CADM2: variants seen among roughly 807,000 people sequenced by gnomAD.
CADM2 encodes cell adhesion molecule 2.
Under a neutral mutation model 49.8 loss-of-function variants are expected in CADM2, and 12 were observed. The ratio of observed to expected loss-of-function variants is 0.24; its 90% CI spans 0.15 to 0.39. The LOEUF (loss-of-function observed/expected upper bound fraction) is 0.39. Among genes scored for constraint, CADM2 ranks in the 10% least tolerant of loss-of-function variants. The pLI, the probability that CADM2 is intolerant of heterozygous loss-of-function variation, is 1.00. For synonymous variants in CADM2, 214 were observed against 175.4 expected (o/e 1.22, Z -1.74); for missense variants, 378 against 492.3 (o/e 0.77, Z 2.20).
At chr3:86,063,370 T>A (rs1040057306) in intron 8 of CADM2, among the ~76,000 whole-genome samples, 1 of 152,198 alleles carries the variant, frequency 6.6e-6, no homozygotes, top group Non-Finnish European at 1.5e-5. Flanking sequence ...TAATCAGGGA[T>A]CTGTAGCAAT....
At chr3:85,227,911 A>T (rs1281476098) in intron 1 of CADM2, among the ~76,000 whole-genome samples, 1 of 152,302 alleles carries the variant, frequency 6.6e-6, no homozygotes, top group South Asian at 2.1e-4. Flanking sequence ...GTTTGGCTGG[A>T]TATGAAATTC....
intron 1 of CADM2, among the ~76,000 whole-genome samples, chr3:85,725,520 A>T (rs936092425): frequency 2.6e-5 from 4 of 151,906 alleles, no homozygotes; most frequent in African/African-American, 9.7e-5. Context: ...GCTTTTGTCT[A>T]TCTTCATTTT....
intron 1 of CADM2, among the ~76,000 whole-genome samples, chr3:85,680,833 T>C (rs924961119): frequency 3.9e-5 from 6 of 152,156 alleles, no homozygotes; most frequent in African/African-American, 7.2e-5. Context: ...ATCAAACTTA[T>C]CAAAAGGTCA....
intron 1 of CADM2, among the ~76,000 whole-genome samples, chr3:85,634,879 A>C (rs2064414396): frequency 7.7e-6 from 1 of 129,732 alleles, no homozygotes; most frequent in Admixed American, 8.0e-5. Flanking sequence ...ATTTTCAAAC[A>C]GAAAATTAAT....
chr3:85,882,921 C>A (rs572054696), intron 3 of CADM2, among the ~76,000 whole-genome samples: 2 of 151,256 alleles, frequency 1.3e-5, no homozygotes, highest in Non-Finnish European at 2.9e-5. Context: ...CCAAATTTAT[C>A]TGTCCATAGA....
intron 3 of CADM2, among the ~76,000 whole-genome samples, chr3:85,852,861 A>C (rs917572254): frequency 6.6e-6 from 1 of 152,036 alleles, no homozygotes; most frequent in African/African-American, 2.4e-5. Context: ...CCATCATCTA[A>C]CTCAGCACCT....
At chr3:85,021,329 C>G (rs1393378113) in intron 1 of CADM2, among the ~76,000 whole-genome samples, 1 of 151,908 alleles carries the variant, frequency 6.6e-6, no homozygotes, top group East Asian at 1.9e-4. Flanking sequence ...ACGAACAAAA[C>G]GAAAAAGTTA....
chr3:85,155,993 G>T (rs1251796113), intron 1 of CADM2, among the ~76,000 whole-genome samples: 2 of 152,156 alleles, frequency 1.3e-5, no homozygotes, highest in African/African-American at 4.8e-5. Flanking sequence ...AAGCAGGAAA[G>T]ATCCAAAATT....
At chr3:85,636,340 A>G (rs2064481411) in intron 1 of CADM2, among the ~76,000 whole-genome samples, 1 of 152,218 alleles carries the variant, frequency 6.6e-6, no homozygotes, top group Non-Finnish European at 1.5e-5. Context: ...TTAAAAAATA[A>G]AAAGGTTACT....
intron 1 of CADM2, among the ~76,000 whole-genome samples, chr3:85,138,350 A>G (rs1243773918): frequency 6.6e-6 from 1 of 152,152 alleles, no homozygotes; most frequent in Non-Finnish European, 1.5e-5. Context: ...GTGAGAAAAT[A>G]CAAGAGACTC....
chr3:85,870,863 C>T (rs1439618085), intron 3 of CADM2, among the ~76,000 whole-genome samples: 1 of 152,032 alleles, frequency 6.6e-6, no homozygotes, highest in Non-Finnish European at 1.5e-5. Flanking sequence ...TCACACTCTC[C>T]TTCTTATACC....
At chr3:85,707,607 T>C (rs952102367) in intron 1 of CADM2, among the ~76,000 whole-genome samples, 1 of 152,142 alleles carries the variant, frequency 6.6e-6, no homozygotes, top group African/African-American at 2.4e-5. Flanking sequence ...TTTGAGATTA[T>C]ATGGATGAAT....
At chr3:85,189,598 A>C (rs2041155555) in intron 1 of CADM2, among the ~76,000 whole-genome samples, 1 of 152,236 alleles carries the variant, frequency 6.6e-6, no homozygotes, top group South Asian at 2.1e-4. Flanking sequence ...GTATTTTAAC[A>C]GAAAATGTAC....
chr3:85,857,558 TC>T (rs1373977485), intron 3 of CADM2, among the ~76,000 whole-genome samples: 1 of 152,074 alleles, frequency 6.6e-6, no homozygotes, highest in African/African-American at 2.4e-5. Context: ...GCTCACTGTA[TC>T]CTGGAACACC....
At chr3:85,953,874 T>C (rs752582410) in intron 7 of CADM2, among the ~76,000 whole-genome samples, 4 of 150,946 alleles carry the variant, frequency 2.6e-5, no homozygotes, top group African/African-American at 4.8e-5. Flanking sequence ...TCTTAAGATA[T>C]AAGTGTAGAA....
intron 5 of CADM2, among the ~76,000 whole-genome samples, chr3:85,895,778 C>G (rs1305296243): frequency 6.6e-6 from 1 of 152,182 alleles, no homozygotes; most frequent in African/African-American, 2.4e-5. Flanking sequence ...CCTGCACACT[C>G]TCTCTTGCCT....
chr3:84,989,845 T>A (rs989653712), intron 1 of CADM2, among the ~76,000 whole-genome samples: 2 of 152,020 alleles, frequency 1.3e-5, no homozygotes, highest in Non-Finnish European at 2.9e-5. Context: ...GTATTGTGAT[T>A]ATTTTCTTTT....
intron 2 of CADM2, among the ~76,000 whole-genome samples, chr3:85,749,658 T>A (rs1023744345): frequency 2.0e-5 from 3 of 152,044 alleles, no homozygotes; most frequent in African/African-American, 7.2e-5. Flanking sequence ...GTTGTGTGAC[T>A]GTGCATAGAG....
At chr3:85,573,641 A>G (rs748055956) in intron 1 of CADM2, among the ~76,000 whole-genome samples, 3 of 152,336 alleles carry the variant, frequency 2.0e-5, no homozygotes, top group South Asian at 4.1e-4. Flanking sequence ...TCTCAGGATG[A>G]TAACTTTTCT....
Sources: gnomAD v4.1 joint callset for allele counts (sites outside exome capture counted in the v4.1 genomes callset) on GRCh38, gnomAD v4.1.1 for gene constraint, MANE v1.5 for transcripts, NCBI Gene and HGNC (gene_info 2026-07-23, HGNC 2026-07-21) for gene names.